Variants in ZNF385B observed in about 807,000 individuals in gnomAD.
ZNF385B encodes zinc finger protein 385B.
In ZNF385B, 23 loss-of-function variants were observed where a neutral mutation model predicts 39.2. That is an observed-to-expected ratio of 0.59 (90% confidence interval 0.42 to 0.83). ZNF385B has a LOEUF of 0.83. ZNF385B is among the 40% of genes least tolerant of loss of function. The probability of loss-of-function intolerance (pLI) is 0.00; values close to 1 mark genes in which losing one functional copy is unlikely to be tolerated. For synonymous variants in ZNF385B, 205 were observed against 222.6 expected (o/e 0.92, Z 0.70); for missense variants, 552 against 598.9 (o/e 0.92, Z 0.82).
intron 3 of ZNF385B, among the ~76,000 whole-genome samples, chr2:179,698,474 G>A (rs1698935608): frequency 6.6e-6 from 1 of 152,178 alleles, no homozygotes; most frequent in Admixed American, 6.5e-5. Context: ...GAATAACTTA[G>A]AGTATCCCAT....
In ZNF385B at chr2:179,771,969, AGAG is replaced by A. The variant is rs1289708896; in HGVS notation, c.-154-1300_-154-1298del. ...CTCAAGGAAGCAAGATCCTTGACTC[AGAG>A]GAGAACTGTTGACACTTTCATCTGA... On this transcript the variant is annotated intron_variant, in intron 1 of 9. Coordinates refer to ENST00000410066, the MANE Select transcript of ZNF385B (RefSeq NM_152520.6). Among the ~76,000 whole-genome samples the A allele has an allele frequency of 2.0e-5, 3 of 152,316 alleles. No homozygotes were observed. The East Asian group carries it at 5.8e-4, about 29-fold the overall frequency.
rs76793149 is a variant in ZNF385B at position 179,714,286 on chromosome 2, G to T, written c.298+55217C>A. Among the ~76,000 whole-genome samples, 1,127 of 152,318 alleles carry T rather than the reference G, an allele frequency of 7.4e-3. 11 individuals carry two copies. Among genetic ancestry groups the T allele is most frequent in the African/African-American group, 0.026 (1,067 of 41,582 alleles). ...CTGTTATTCCAGCAACATTATCTCA[G>T]TTAATTCCATGATACCTTCATAAGC... On this transcript the variant is annotated intron_variant, in intron 3 of 9. Transcript: ENST00000410066.
chr2:179,669,083 CA>C (rs1695566761), intron 3 of ZNF385B, among the ~76,000 whole-genome samples: 1 of 152,242 alleles, frequency 6.6e-6, no homozygotes, highest in African/African-American at 2.4e-5. Flanking sequence ...GTACTACTGT[CA>C]AAAAATACTT....
intron 3 of ZNF385B, among the ~76,000 whole-genome samples, chr2:179,759,288 CA>C (rs967077936): frequency 1.3e-5 from 2 of 152,080 alleles, no homozygotes; most frequent in African/African-American, 2.4e-5. Flanking sequence ...CCTGGGGAAG[CA>C]ATACCTAAGT....
At chr2:179,676,214 G>A (rs915236408) in intron 3 of ZNF385B, among the ~76,000 whole-genome samples, 29 of 148,178 alleles carry the variant, frequency 2.0e-4, no homozygotes, top group Non-Finnish European at 3.6e-4. Flanking sequence ...TCAGCCTCCC[G>A]AGTAGCTGGG....
At chr2:179,624,890 C>G (rs1187191958) in intron 3 of ZNF385B, among the ~76,000 whole-genome samples, 1 of 152,194 alleles carries the variant, frequency 6.6e-6, no homozygotes, top group Non-Finnish European at 1.5e-5. Context: ...CTTATACTCT[C>G]TACCATCCAG....
In ZNF385B at chr2:179,459,586, TAA is replaced by T. The variant is rs200184997; in HGVS notation, c.716-12818_716-12817del. Among the ~76,000 whole-genome samples the T allele has an allele frequency of 1.3e-3, 163 of 121,778 alleles. 5 individuals are homozygous for T. The East Asian group carries it at 0.037, about 27-fold the overall frequency. The allele number at this position is 121,778 out of a possible 152,430, so 79.9% of individuals were successfully genotyped here. Reference sequence around the variant, plus strand: ...ATCATCTAGTGGGGGAGAGAGAAAATAAGTGTGTGTGTGTGTGTGTGTGTGTG... The same window carrying T: ...ATCATCTAGTGGGGGAGAGAGAAAATGTGTGTGTGTGTGTGTGTGTGTGTG... On this transcript the variant is annotated intron_variant, in intron 6 of 9. Coordinates refer to ENST00000410066, the MANE Select transcript of ZNF385B (RefSeq NM_152520.6).
chr2:179,477,777 C>A (rs965258701), intron 6 of ZNF385B, among the ~76,000 whole-genome samples: 1 of 148,726 alleles, frequency 6.7e-6, no homozygotes, highest in African/African-American at 2.6e-5. Context: ...TGCTGTTATT[C>A]AAATTTGTTC....
chr2:179,692,160 C>T (rs1006970850), intron 3 of ZNF385B, among the ~76,000 whole-genome samples: 5 of 152,106 alleles, frequency 3.3e-5, no homozygotes, highest in African/African-American at 1.2e-4. Flanking sequence ...TACCCCTCTA[C>T]CCCTGGCCTC....
At chr2:179,836,939 C>T (rs1168431640) in intron 1 of ZNF385B, among the ~76,000 whole-genome samples, 5 of 152,178 alleles carry the variant, frequency 3.3e-5, no homozygotes, top group African/African-American at 1.2e-4. Flanking sequence ...CCCCAGCACC[C>T]CAGTCACCAG....
intron 1 of ZNF385B, chr2:179,802,412 G>T (rs1433423529): frequency 6.6e-6 from 1 of 151,852 alleles, no homozygotes. Flanking sequence ...TTCACATTCT[G>T]CTCTCTACAT....
At chr2:179,702,872 T>C (rs1180617375) in intron 3 of ZNF385B, among the ~76,000 whole-genome samples, 1 of 152,192 alleles carries the variant, frequency 6.6e-6, no homozygotes, top group Non-Finnish European at 1.5e-5. Context: ...GTGATTCTGC[T>C]CTTTCTCCCG....
chr2:179,557,149 T>C (rs2060960655), intron 3 of ZNF385B, among the ~76,000 whole-genome samples: 1 of 149,352 alleles, frequency 6.7e-6, no homozygotes, highest in South Asian at 2.2e-4. Flanking sequence ...CTGACTGATG[T>C]TAGAACCAAA....
At chr2:179,776,700 G>T (rs977476359) in intron 1 of ZNF385B, among the ~76,000 whole-genome samples, 1 of 152,120 alleles carries the variant, frequency 6.6e-6, no homozygotes, top group East Asian at 1.9e-4. Context: ...AACAAGGAAG[G>T]CAGTGGTCCA....
At chr2:179,808,137 A>G (rs2106563183) in intron 1 of ZNF385B, among the ~76,000 whole-genome samples, 1 of 151,876 alleles carries the variant, frequency 6.6e-6, no homozygotes, top group South Asian at 2.1e-4. Context: ...GGTTCACGCC[A>G]TTCTCCTGCC....
At chr2:179,536,834 T>C (rs2059594390) in intron 4 of ZNF385B, among the ~76,000 whole-genome samples, 1 of 152,152 alleles carries the variant, frequency 6.6e-6, no homozygotes, top group Non-Finnish European at 1.5e-5. Flanking sequence ...AATGTGACTA[T>C]GCATTATACA....
At chr2:179,722,342 A>G (rs1409026619) in intron 3 of ZNF385B, among the ~76,000 whole-genome samples, 1 of 152,178 alleles carries the variant, frequency 6.6e-6, no homozygotes, top group African/African-American at 2.4e-5. Flanking sequence ...GTCAGCTGTG[A>G]AGAATTTTTA....
At chr2:179,475,309 G>A (rs2053287776) in intron 6 of ZNF385B, among the ~76,000 whole-genome samples, 1 of 149,580 alleles carries the variant, frequency 6.7e-6, no homozygotes, top group Admixed American at 6.7e-5. Flanking sequence ...GGAGTGCAGT[G>A]GTGCGAACTC....
chr2:179,701,451 G>A (rs1247303178), intron 3 of ZNF385B, among the ~76,000 whole-genome samples: 2 of 152,064 alleles, frequency 1.3e-5, no homozygotes, highest in Non-Finnish European at 2.9e-5. Context: ...CAACAATCTT[G>A]TGTAGTAGAA....
Sources: gnomAD v4.1 joint callset for allele counts (sites outside exome capture counted in the v4.1 genomes callset) on GRCh38, gnomAD v4.1.1 for gene constraint, MANE v1.5 for transcripts, NCBI Gene and HGNC (gene_info 2026-07-23, HGNC 2026-07-21) for gene names.